PRH1: variants seen among roughly 807,000 people sequenced by gnomAD.
The protein encoded by PRH1 is proline rich protein HaeIII subfamily 1.
PRH1 carries 7 observed loss-of-function variants against 7.9 expected under a neutral mutation model. That is an observed-to-expected ratio of 0.89 (90% CI 0.50 to 1.67). PRH1 has a LOEUF of 1.67. PRH1 is among the 40% of genes most tolerant of loss of function. PRH1 has a pLI of 0.00. For missense variants in PRH1, 109 were observed against 223.6 expected, an observed-to-expected ratio of 0.49 and a Z score of 3.27; for synonymous variants, 45 against 80.8, an observed-to-expected ratio of 0.56 and a Z score of 2.38.
chr12:10,925,697 T>A (rs1041124989), intron 2 of PRH1, among the ~76,000 whole-genome samples: 1 of 152,224 alleles, frequency 6.6e-6, no homozygotes, highest in African/African-American at 2.4e-5. Context: ...ACCTCACCTG[T>A]TAAAGTCTTA....
chr12:11,108,476 C>T (rs905901483), intron 1 of PRH1, among the ~76,000 whole-genome samples: 17 of 152,136 alleles, frequency 1.1e-4, no homozygotes, highest in African/African-American at 4.1e-4. Context: ...CATGGCTCAT[C>T]TCACTGGGAC....
intron 1 of PRH1, among the ~76,000 whole-genome samples, chr12:11,037,181 T>C (rs571321010): frequency 3.3e-5 from 5 of 152,356 alleles, no homozygotes; most frequent in African/African-American, 4.8e-5. Context: ...AAATAGTCTA[T>C]GCAATAATAC....
chr12:10,972,014 CT>C (rs2135952812), intron 2 of PRH1, among the ~76,000 whole-genome samples: 1 of 152,136 alleles, frequency 6.6e-6, no homozygotes, highest in African/African-American at 2.4e-5. Flanking sequence ...AGAGATATGC[CT>C]TCAGTCAAAC....
In PRH1 at chr12:11,091,809, C is replaced by T. The variant is rs780440350; in HGVS notation, n.124-44621G>A. On this transcript the variant is annotated intron_variant and non_coding_transcript_variant, in intron 1 of 4. Coordinates refer to the PRH1 transcript ENST00000541977. ...ATGTTTATCACAAAAAGATGACAAG[C>T]CAAAAATAGCAAAGGCCCCAACAAC... The T allele has an allele frequency of 3.3e-6, 5 of 1,507,288 alleles. No individual in the cohort carries two copies. The East Asian group carries it at 9.0e-5, about 27-fold the overall frequency. 93.4% of individuals were successfully genotyped at this position (1,507,288 alleles called of 1,614,324 possible). A position where few individuals can be genotyped will look rare whatever the true frequency, so the allele number is the denominator to read the frequency against.
intron 2 of PRH1, among the ~76,000 whole-genome samples, chr12:10,969,796 G>GTATTT (rs996142600): frequency 9.9e-5 from 15 of 152,132 alleles, no homozygotes; most frequent in Non-Finnish European, 1.5e-4. Context: ...GAAATATGGA[G>GTATTT]TATTTTATTT....
At chr12:11,033,881 A>G (rs951699088) in intron 1 of PRH1, among the ~76,000 whole-genome samples, 11 of 152,226 alleles carry the variant, frequency 7.2e-5, no homozygotes, top group African/African-American at 2.4e-4. Flanking sequence ...ACCACAGTGT[A>G]TCATAAACAC....
At position 11,133,762 on chromosome 12, in the gene PRH1, G is replaced by A. The variant is rs200760688; in HGVS notation, n.40-12582C>T. ...TCCTCAATTTGATCTTCCAAGTCAC[G>A]TTTCCTTCATATTCTTTTGTCCATA... On this transcript the variant is annotated intron_variant and non_coding_transcript_variant, in intron 1 of 1. Coordinates refer to the PRH1 transcript ENST00000541175. The A allele has an allele frequency of 6.8e-4, 1,098 of 1,614,090 alleles. 4 individuals are homozygous for A. Among genetic ancestry groups the A allele is most frequent in the South Asian group, 1.0e-3 (95 of 91,078 alleles).
At chr12:11,104,771 GGAGTA>G (rs1320829971) in intron 1 of PRH1, among the ~76,000 whole-genome samples, 1 of 152,056 alleles carries the variant, frequency 6.6e-6, no homozygotes, top group African/African-American at 2.4e-5. Flanking sequence ...TATAATTCTA[GGAGTA>G]GTGTATGAAA....
exon 2 of PRH1, chr12:10,973,684 C>T (rs757910594): frequency 2.6e-6 from 2 of 780,162 alleles, no homozygotes; most frequent in South Asian, 2.7e-5. Context: ...TGAGTAGATA[C>T]AGCAGGTTCC....
At position 10,998,418 on chromosome 12, in the gene PRH1, T is replaced by C. The variant is rs955063666; in HGVS notation, c.-125-24697A>G. Among the ~76,000 whole-genome samples, 6 of 152,156 alleles carry C rather than the reference T, an allele frequency of 3.9e-5. No homozygotes were observed. In the East Asian group the frequency reaches 9.6e-4, roughly 24 times the overall value. ...TTAAATACACAGAATCTAAACTTTT[T>C]ATCAAAATCACCTAAGATTTTCTTG... On this transcript the variant is annotated intron_variant, in intron 1 of 3. Coordinates refer to the PRH1 transcript ENST00000539853.
At chr12:10,939,243 T>C (rs747859002) in intron 2 of PRH1, 1 of 1,233,284 alleles carries the variant, frequency 8.1e-7, no homozygotes, top group Admixed American at 2.4e-5. Context: ...CTAATATCAC[T>C]GCTGAAGACT....
At chr12:11,131,404 C>T (rs570120161) in intron 1 of PRH1, among the ~76,000 whole-genome samples, 31 of 152,272 alleles carry the variant, frequency 2.0e-4, no homozygotes, top group Admixed American at 2.0e-3. Flanking sequence ...CCATTTTTGT[C>T]TTGAATTGGC....
At chr12:10,983,696 T>C (rs1412808793) in intron 1 of PRH1, among the ~76,000 whole-genome samples, 3 of 152,178 alleles carry the variant, frequency 2.0e-5, no homozygotes, top group Non-Finnish European at 2.9e-5. Flanking sequence ...GGCTGTGGTT[T>C]CCCCTTGCAG....
chr12:11,124,422 T>C (rs1946031576), intron 1 of PRH1, among the ~76,000 whole-genome samples: 2 of 29,078 alleles, frequency 6.9e-5, no homozygotes, highest in Admixed American at 9.6e-4. Flanking sequence ...CATGAAATGG[T>C]TTATTTATTT....
At chr12:10,934,747 C>T (rs1950262394) in intron 2 of PRH1, among the ~76,000 whole-genome samples, 1 of 152,064 alleles carries the variant, frequency 6.6e-6, no homozygotes, top group African/African-American at 2.4e-5. Flanking sequence ...GATCCAGATA[C>T]TGTATGTTCT....
chr12:11,013,689 C>G (rs1392917024), intron 1 of PRH1, among the ~76,000 whole-genome samples: 1 of 151,404 alleles, frequency 6.6e-6, no homozygotes, highest in East Asian at 2.0e-4. Context: ...TACCCTCAAT[C>G]TCATTTAGTG....
chr12:11,101,487 C>G (rs1379041438), intron 1 of PRH1, among the ~76,000 whole-genome samples: 1 of 151,594 alleles, frequency 6.6e-6, no homozygotes, highest in African/African-American at 2.4e-5. Flanking sequence ...CAGATCCTGT[C>G]TCAAAATAAA....
chr12:11,001,831 T>C (rs1031846208), intron 1 of PRH1, among the ~76,000 whole-genome samples: 1 of 152,096 alleles, frequency 6.6e-6, no homozygotes, highest in Non-Finnish European at 1.5e-5. Context: ...ATAAATAAAC[T>C]TTGCAATATA....
chr12:11,171,394 G>A, intron 1 of PRH1: 1 of 1,232,068 alleles, frequency 8.1e-7, no homozygotes, highest in Non-Finnish European at 1.0e-6. Context: ...TTGGCCGTCA[G>A]GGCCTCAAGC....
Sources: gnomAD v4.1 joint callset for allele counts (sites outside exome capture counted in the v4.1 genomes callset) on GRCh38, gnomAD v4.1.1 for gene constraint, MANE v1.5 for transcripts, NCBI Gene and HGNC (gene_info 2026-07-23, HGNC 2026-07-21) for gene names.